The following KIF1B variants were observed in gnomAD, a reference collection of about 807,000 sequenced individuals.
The protein encoded by KIF1B is kinesin family member 1B.
Under a neutral mutation model 241.9 loss-of-function variants are expected in KIF1B, and 76 were observed. The observed-to-expected ratio is 0.31, with a 90% CI of 0.26 to 0.38. The LOEUF (loss-of-function observed/expected upper bound fraction) is 0.38. Ranked by LOEUF, KIF1B falls within the 10% of genes least tolerant of loss-of-function variation. The pLI, the probability that KIF1B is intolerant of heterozygous loss-of-function variation, is 1.00. For missense variants in KIF1B, 1,622 were observed against 2,271.4 expected, an observed-to-expected ratio of 0.71 and a Z score of 5.81; for synonymous variants, 750 against 796.7, an observed-to-expected ratio of 0.94 and a Z score of 0.99.
chr1:10,282,525 C>A lies in KIF1B; in HGVS notation c.1426C>A (p.Arg476Ser). 1 of 1,613,154 alleles carries A rather than the reference C, an allele frequency of 6.2e-7. No individual in the cohort carries two copies. Among genetic ancestry groups the A allele is most frequent in the Non-Finnish European group, 8.5e-7 (1 of 1,179,182 alleles). The change falls in exon 15 of 49, where the codon CGT becomes AGT. Residue 476 changes from arginine to serine, a missense_variant. Transcript: ENST00000676179. ...STPGGEEAIE[R>S]LKESEKIIAE... ...ACCTGGAGGAGAGGAAGCTATTGAA[C>A]GTTTAAAGGTAAGTAATAGTTCAGA...
intron 38 of KIF1B, among the ~76,000 whole-genome samples, chr1:10,360,194 G>A (rs566903287): frequency 1.3e-5 from 2 of 152,260 alleles, no homozygotes; most frequent in East Asian, 1.9e-4. Flanking sequence ...CTCTTGTGAT[G>A]TGAAGATTGA....
At chr1:10,225,658 A>G (rs1480297750) in intron 1 of KIF1B, among the ~76,000 whole-genome samples, 1 of 152,184 alleles carries the variant, frequency 6.6e-6, no homozygotes, top group Non-Finnish European at 1.5e-5. Context: ...GACAAAGGAC[A>G]CAGTGGGGAA....
intron 27 of KIF1B, among the ~76,000 whole-genome samples, chr1:10,332,381 G>A (rs1358601672): frequency 6.6e-6 from 1 of 151,048 alleles, no homozygotes; most frequent in Non-Finnish European, 1.5e-5. Context: ...CATTTATCTT[G>A]ATGCCCATTC....
Position 10,326,824 on chromosome 1 carries a change from G to A in KIF1B, c.2924+465G>A, listed in dbSNP as rs17034738. ...CTGAAGAATTTGTGGTACTGCAGGA[G>A]TCAGAGGACAAAAGTAGATTCAGGA... On this transcript the variant is annotated intron_variant, in intron 27 of 48. Coordinates refer to ENST00000676179, the MANE Select transcript of KIF1B (RefSeq NM_001365951.3). The surrounding 1 kb of genome is among the most constrained non-coding windows in gnomAD (Gnocchi z 5.2). Among the ~76,000 whole-genome samples, 1,752 of 152,300 alleles carry A rather than the reference G, an allele frequency of 0.012. 34 individuals carry two copies. Among genetic ancestry groups the A allele is most frequent in the African/African-American group, 0.04 (1,665 of 41,536 alleles).
At chr1:10,216,953 T>TTTTC in intron 1 of KIF1B, among the ~76,000 whole-genome samples, 1 of 111,092 alleles carries the variant, frequency 9.0e-6, no homozygotes, top group African/African-American at 3.7e-5. Context: ...TACTTGCCCA[T>TTTTC]TTTCTTTTTT....
chr1:10,376,669 T>C lies in KIF1B; in HGVS notation c.*82T>C. On this transcript the variant is annotated 3_prime_UTR_variant, in exon 49 of 49. Transcript: ENST00000676179. The stretch of plus-strand genomic sequence containing the variant: ...CATTTCTCTTTGTGATTCTTGACGG[T>C]GACTCTTGTATGTAATCCTGTGGCT... 1 of 1,391,688 alleles carries C rather than the reference T, an allele frequency of 7.2e-7. No individual in the cohort carries two copies. Among genetic ancestry groups the C allele is most frequent in the Non-Finnish European group, 1.0e-6 (1 of 978,806 alleles). The allele number at this position is 1,391,688 out of a possible 1,614,324, so 86.2% of individuals were successfully genotyped here. A position where few individuals can be genotyped will look rare whatever the true frequency, so the allele number is the denominator to read the frequency against.
chr1:10,328,310 T>A (rs1569835478), intron 27 of KIF1B, among the ~76,000 whole-genome samples: 1 of 152,194 alleles, frequency 6.6e-6, no homozygotes, highest in East Asian at 1.9e-4. Flanking sequence ...AGAAAAGCTT[T>A]TTTGATAGAA....
chr1:10,296,966 G>A lies in KIF1B; in HGVS notation c.1931G>A (p.Arg644Gln). 3 of 1,614,044 alleles carry A rather than the reference G, an allele frequency of 1.9e-6. No individual in the cohort carries two copies. Among genetic ancestry groups the A allele is most frequent in the East Asian group, 2.2e-5 (1 of 44,886 alleles). Residue 644 changes from arginine to glutamine, a missense_variant, in exon 21 of 49, where the codon CGA (arginine) becomes CAA (glutamine). Arg to Gln is a conservative substitution (Grantham distance 43). Around this residue, in one of 7 missense-constraint regions of KIF1B, gnomAD observed 803 missense variants for 1,112.0 expected, o/e 0.72. Coordinates refer to ENST00000676179, the MANE Select transcript of KIF1B (RefSeq NM_001365951.3). ...FNHPEQARAE[R>Q]EKTPSAETPS... ...CACCCGGAACAAGCACGAGCTGAGC[G>A]AGAGAAGACTCCTTCTGCTGAGACC... is the stretch of plus-strand genomic sequence containing the variant.
chr1:10,345,101 G>A (rs1447969925), intron 34 of KIF1B, among the ~76,000 whole-genome samples: 1 of 152,148 alleles, frequency 6.6e-6, no homozygotes, highest in East Asian at 1.9e-4. Flanking sequence ...AGCTGAGGTG[G>A]GAGGATGGTT....
At chr1:10,370,787 G>GT (rs1638711270) in intron 44 of KIF1B, among the ~76,000 whole-genome samples, 2 of 151,374 alleles carry the variant, frequency 1.3e-5, no homozygotes, top group Non-Finnish European at 1.5e-5. Context: ...TTGTAGGCTT[G>GT]TTTTTTTTCT....
chr1:10,360,161 A>G (rs1218909933), intron 38 of KIF1B, among the ~76,000 whole-genome samples: 1 of 152,130 alleles, frequency 6.6e-6, no homozygotes, highest in East Asian at 1.9e-4. Context: ...GCCCAGCAGC[A>G]CTGGATTGAA....
In KIF1B at chr1:10,271,557, G is replaced by C; in HGVS notation, c.776G>C (p.Gly259Ala). Reference protein sequence around the residue: ...LAGSERADSTGAKGTRLKEGA... With the variant: ...LAGSERADSTAAKGTRLKEGA... ...GGAAGTGAACGAGCTGATTCAACTG[G>C]TGCCAAAGGGACTCGATTAAAGGTA... Residue 259 changes from glycine to alanine, a missense_variant, in exon 8 of 49, where the codon GGT (glycine) becomes GCT (alanine). By Grantham distance (60) the Gly-to-Ala change is moderately conservative (BLOSUM62 0). Transcript: ENST00000676179. 1 of 1,613,562 alleles carries C rather than the reference G, an allele frequency of 6.2e-7. No individual in the cohort carries two copies. Among genetic ancestry groups the C allele is most frequent in the South Asian group, 1.1e-5 (1 of 91,078 alleles).
chr1:10,272,531 A>AACTAGAGCAAAC (rs1553163996), intron 9 of KIF1B: 1 of 604,676 alleles, frequency 1.7e-6, no homozygotes, highest in Non-Finnish European at 3.0e-6. Flanking sequence ...GATCTGTAAA[A>AACTAGAGCAAAC]ACTAGAGCAA....
chr1:10,345,180 ATT>A (rs1353071186), intron 34 of KIF1B, among the ~76,000 whole-genome samples: 2 of 152,174 alleles, frequency 1.3e-5, no homozygotes, highest in Non-Finnish European at 2.9e-5. Flanking sequence ...AGCATATGGA[ATT>A]TAAATCTGAA....
At chr1:10,316,837 T>G (rs1343334644) in intron 22 of KIF1B, among the ~76,000 whole-genome samples, 1 of 151,678 alleles carries the variant, frequency 6.6e-6, no homozygotes, top group African/African-American at 2.4e-5. Context: ...TTGATTCAGT[T>G]ATTACATCTG....
intron 3 of KIF1B, 40 bp from the exon 4 acceptor site, chr1:10,258,453 T>C (rs201267219): frequency 3.2e-6 from 5 of 1,577,660 alleles, no homozygotes; most frequent in East Asian, 2.2e-5. Flanking sequence ...GGAAGAAATA[T>C]TAATAAAAGG....
intron 22 of KIF1B, among the ~76,000 whole-genome samples, chr1:10,317,013 A>C (rs1651332303): frequency 6.6e-6 from 1 of 151,248 alleles, no homozygotes; most frequent in South Asian, 2.1e-4. Flanking sequence ...CCTGGGCTCC[A>C]GGGATCCCAG....
chr1:10,368,351 T>A, intron 43 of KIF1B, 116 bp from the exon 44 acceptor site: 1 of 792,242 alleles, frequency 1.3e-6, no homozygotes, highest in Non-Finnish European at 2.2e-6. Context: ...GATGTGGAGC[T>A]TCCATGCCCT....
intron 35 of KIF1B, among the ~76,000 whole-genome samples, chr1:10,346,771 G>A (rs573811682): frequency 9.8e-5 from 15 of 152,344 alleles, no homozygotes; most frequent in East Asian, 9.6e-4. Flanking sequence ...TGTCAAGGAG[G>A]ACATAGAAGG....
Sources: allele counts gnomAD v4.1 joint callset (sites outside exome capture counted in the v4.1 genomes callset), GRCh38; gene constraint gnomAD v4.1.1; regional missense constraint gnomAD v4.1.1; non-coding constraint Gnocchi (gnomAD v3.1); transcripts MANE v1.5; gene names NCBI Gene and HGNC (gene_info 2026-07-23, HGNC 2026-07-21).